EIF4B: variants seen among roughly 807,000 people sequenced by gnomAD.
EIF4B encodes eukaryotic translation initiation factor 4B.
In EIF4B, 8 loss-of-function variants were observed where a neutral mutation model predicts 79.3. That is an observed-to-expected ratio of 0.10 (90% CI 0.06 to 0.18). EIF4B has a LOEUF of 0.18. Ranked by LOEUF, EIF4B falls within the 10% of genes least tolerant of loss-of-function variation. EIF4B has a pLI of 1.00. For synonymous variants in EIF4B, 238 were observed against 274.7 expected, an observed-to-expected ratio of 0.87 and a Z score of 1.32; for missense variants, 515 against 792.4, an observed-to-expected ratio of 0.65 and a Z score of 4.20.
chr12:53,019,450 CTTTTTTTTTTTTT>C lies in EIF4B; in HGVS notation c.361-448_361-436del, dbSNP rs71095966. On this transcript the variant is annotated intron_variant, in intron 3 of 14. Coordinates refer to ENST00000262056, the MANE Select transcript of EIF4B (RefSeq NM_001417.7). ...ATATATATATATATTTTTTTTTTTT[CTTTTTTTTTTTTT>C]TTTTTTTTTTTGAGACAGAGTCTCA... Among the ~76,000 whole-genome samples, 111 of 66,016 alleles carry C rather than the reference CTTTTTTTTTTTTT, an allele frequency of 1.7e-3. 1 individual carries two copies. The highest frequency in any genetic ancestry group is 4.7e-3 in the African/African-American group (97 of 20,724). 43.3% of individuals were successfully genotyped at this position (66,016 alleles called of 152,430 possible).
Position 53,038,386 on chromosome 12 carries a change from A to G in EIF4B, c.1551A>G (p.Pro517=). 1 of 1,602,104 alleles carries G rather than the reference A, an allele frequency of 6.2e-7. No individual in the cohort carries two copies. ...SGGGKVAPAQ[P]SEEGPGRKDE... Reference sequence around the variant, plus strand: ...GGGGAAAAGTAGCTCCAGCTCAACCATCTGAGGAAGGACCAGGAAGGAAAG... The same window carrying G: ...GGGGAAAAGTAGCTCCAGCTCAACCGTCTGAGGAAGGACCAGGAAGGAAAG... The change falls in exon 12 of 15, where the codon CCA becomes CCG. Residue 517 remains proline, a synonymous_variant. Coordinates refer to ENST00000262056, the MANE Select transcript of EIF4B (RefSeq NM_001417.7).
At chr12:53,006,550 G>A in intron 1 of EIF4B, 54 bp downstream of exon 1, 1 of 1,612,712 alleles carries the variant, frequency 6.2e-7, no homozygotes. Flanking sequence ...CCCCCTCCGA[G>A]CGTGATCCAC....
At chr12:53,034,549 A>C in intron 9 of EIF4B, 63 bp from the exon 10 acceptor site, 1 of 1,515,846 alleles carries the variant, frequency 6.6e-7, no homozygotes, top group Non-Finnish European at 9.2e-7. Context: ...AGGGGTCAGC[A>C]TGGGTCTAAG....
At chr12:53,019,214 C>T (rs968941364) in intron 3 of EIF4B, among the ~76,000 whole-genome samples, 2 of 151,942 alleles carry the variant, frequency 1.3e-5, no homozygotes, top group South Asian at 2.1e-4. Flanking sequence ...GCCTGGCTAA[C>T]GTGGTGAGAC....
chr12:53,029,377 AT>A (rs908832445), intron 8 of EIF4B, among the ~76,000 whole-genome samples: 1,658 of 14,162 alleles, frequency 0.12, 20 homozygotes, highest in Middle Eastern at 0.41. Flanking sequence ...TTTTTATTTT[AT>A]TTTTTTTTTT....
chr12:53,026,051 G>C (rs1218482324), intron 6 of EIF4B, among the ~76,000 whole-genome samples: 1 of 152,024 alleles, frequency 6.6e-6, no homozygotes, highest in South Asian at 2.1e-4. Flanking sequence ...GTGAGCCCGC[G>C]ATTGTGCCAC....
chr12:53,016,667 A>G (rs1943153847), intron 2 of EIF4B, 57 bp downstream of exon 2: 2 of 1,514,220 alleles, frequency 1.3e-6, no homozygotes, highest in African/African-American at 1.4e-5. Flanking sequence ...GACAAAACCT[A>G]TTACATAATA....
intron 6 of EIF4B, among the ~76,000 whole-genome samples, chr12:53,026,751 A>C (rs1472166053): frequency 1.3e-5 from 2 of 151,922 alleles, no homozygotes; most frequent in Non-Finnish European, 2.9e-5. Context: ...ACAGGCCTGC[A>C]CCACCATGCC....
chr12:53,015,725 C>T (rs1328878671), intron 1 of EIF4B, among the ~76,000 whole-genome samples: 1 of 150,782 alleles, frequency 6.6e-6, no homozygotes, highest in Non-Finnish European at 1.5e-5. Flanking sequence ...CACCGTAATC[C>T]CAGCACTTTC....
chr12:53,033,406 G>T lies in EIF4B; in HGVS notation c.980-400G>T, dbSNP rs536690877. 2.0e-5 allele frequency among the ~76,000 whole-genome samples: 3 copies of T among 148,676 alleles called. No individual in the cohort carries two copies. In the South Asian group the frequency reaches 6.4e-4, roughly 31 times the overall value. ...TCACCAGGCTGAAGTGCAGTAGCTC[G>T]ATCTTGGCTCACTGCAACCTCTGCC... On this transcript the variant is annotated intron_variant, in intron 8 of 14. Coordinates refer to ENST00000262056, the MANE Select transcript of EIF4B (RefSeq NM_001417.7).
At chr12:53,016,450 C>G in intron 1 of EIF4B, 23 bp from the exon 2 acceptor site, 1 of 1,611,776 alleles carries the variant, frequency 6.2e-7, no homozygotes, top group Non-Finnish European at 8.5e-7. Context: ...GGTGAATAAT[C>G]TTTCTCTTGC....
intron 6 of EIF4B, chr12:53,025,252 G>A: frequency 2.2e-6 from 1 of 455,764 alleles, no homozygotes; most frequent in Non-Finnish European, 4.4e-6. Flanking sequence ...GAAAGAAAAA[G>A]CAGACAATCA....
At chr12:53,038,482 T>C in intron 12 of EIF4B, 71 bp downstream of exon 12, 2 of 1,463,816 alleles carry the variant, frequency 1.4e-6, no homozygotes, top group Non-Finnish European at 1.8e-6. Context: ...AAATTAGATT[T>C]TGAAGAGCAG....
Position 53,028,091 on chromosome 12 carries a change from C to T in EIF4B, c.882C>T (p.Gly294=), listed in dbSNP as rs540767038. The change falls in exon 8 of 15, where the codon GGC becomes GGT. Residue 294 remains glycine (G), a synonymous_variant. Coordinates refer to ENST00000262056, the MANE Select transcript of EIF4B (RefSeq NM_001417.7). ...GCAGGGATGATGACTACAGAGGAGG[C>T]GGGGACCGCTATGAAGACCGATATG... ...GYRRDDDYRG[G]GDRYEDRYDR... 37 of 1,613,834 alleles carry T rather than the reference C, an allele frequency of 2.3e-5. 1 individual carries two copies. The highest frequency in any genetic ancestry group is 1.3e-4 in the African/African-American group (10 of 74,990).
At chr12:53,033,011 A>T (rs4919722) in intron 8 of EIF4B, among the ~76,000 whole-genome samples, 122,186 of 151,462 alleles carry the variant, frequency 0.81, 51,265 homozygotes, top group Non-Finnish European at 0.93. Context: ...ATTTTTATTT[A>T]TTTTTATTTA....
rs1357926090 is a variant in EIF4B at position 53,037,567 on chromosome 12, T to C, written c.1465T>C (p.Ser489Pro). Residue 489 changes from serine to proline, a missense_variant, in exon 11 of 15, where the codon TCT becomes CCT. Around this residue, in one of 6 missense-constraint regions of EIF4B, gnomAD observed 146 missense variants for 228.0 expected, o/e 0.64. Coordinates refer to ENST00000262056, the MANE Select transcript of EIF4B (RefSeq NM_001417.7). ...GGAGAATGCTTGGGTGAAGCGAAGT[T>C]CTAACCCTCCTGCTCGATCTCAGAG... ...PKENAWVKRS[S>P]NPPARSQSSD... 18 of 1,613,976 alleles carry C rather than the reference T, an allele frequency of 1.1e-5. No homozygotes were observed. Among genetic ancestry groups the C allele is most frequent in the Non-Finnish European group, 1.4e-5 (17 of 1,179,860 alleles).
At chr12:53,038,436 GT>G (rs763449875) in intron 12 of EIF4B, 25 bp downstream of exon 12, 1 of 1,560,064 alleles carries the variant, frequency 6.4e-7, no homozygotes, top group Non-Finnish European at 8.6e-7. Flanking sequence ...TGGGAAATAG[GT>G]TTTTCACCTA....
chr12:53,030,453 C>G (rs1296412384), intron 8 of EIF4B, among the ~76,000 whole-genome samples: 1 of 30,412 alleles, frequency 3.3e-5, no homozygotes, highest in East Asian at 1.4e-3. Flanking sequence ...CGGAGTCTCT[C>G]TCTAGTTGCC....
chr12:53,039,989 C>T, intron 14 of EIF4B, 154 bp from the exon 15 acceptor site: 1 of 842,056 alleles, frequency 1.2e-6, no homozygotes, highest in South Asian at 1.7e-5. Context: ...GACCCTCTTC[C>T]CTAGCTCCTC....
Sources: allele counts gnomAD v4.1 joint callset (sites outside exome capture counted in the v4.1 genomes callset), GRCh38; gene constraint gnomAD v4.1.1; regional missense constraint gnomAD v4.1.1; transcripts MANE v1.5; gene names NCBI Gene and HGNC (gene_info 2026-07-23, HGNC 2026-07-21).